Variants in PHACTR2 observed in about 807,000 individuals in gnomAD.
The protein encoded by PHACTR2 is chromosome 6 open reading frame 56.
Under a neutral mutation model 76.0 loss-of-function variants are expected in PHACTR2, and 30 were observed. The observed-to-expected ratio is 0.39, with a 90% CI of 0.30 to 0.54. The LOEUF (loss-of-function observed/expected upper bound fraction) is 0.54. PHACTR2 is among the 20% of genes least tolerant of loss of function. The pLI, the probability that PHACTR2 is intolerant of heterozygous loss-of-function variation, is 0.61. For synonymous variants in PHACTR2, 292 were observed against 292.5 expected (o/e 1.00, Z 0.02); for missense variants, 696 against 781.1 (o/e 0.89, Z 1.30).
At chr6:143,790,230 T>TAAGGTTAATAAGGTTAATAAGC (rs1363602527) in intron 11 of PHACTR2, among the ~76,000 whole-genome samples, 1 of 152,116 alleles carries the variant, frequency 6.6e-6, no homozygotes, top group Non-Finnish European at 1.5e-5. Flanking sequence ...GGTGCGTAAA[T>TAAGGTTAATAAGGTTAATAAGC]TTGGAAAATG....
In PHACTR2 at chr6:143,623,190, A is replaced by C. The variant is rs1776191695; in HGVS notation, c.13+14868A>C. Among the ~76,000 whole-genome samples the C allele has an allele frequency of 6.7e-6, 1 of 150,194 alleles. No individual in the cohort carries two copies. Among genetic ancestry groups the C allele is most frequent in the Non-Finnish European group, 1.5e-5 (1 of 67,382 alleles). Reference sequence around the variant, plus strand: ...GTATTTTAAACTAAATTAATAAATTAAATATTGTTATAAGAAAAAAGCCAA... The same window carrying C: ...GTATTTTAAACTAAATTAATAAATTCAATATTGTTATAAGAAAAAAGCCAA... On this transcript the variant is annotated intron_variant, in intron 1 of 11. Transcript: ENST00000305766. The surrounding 1 kb of genome is among the most constrained non-coding windows in gnomAD (Gnocchi z 5.9).
chr6:143,559,690 CTTTTTTTTTTTTTTTTTTT>C (rs5880566), intron 1 of PHACTR2, among the ~76,000 whole-genome samples: 543 of 31,924 alleles, frequency 0.017, 6 homozygotes, highest in Non-Finnish European at 0.023. Flanking sequence ...TTTTTCTTTT[CTTTTTTTTTTTTTTTTTTT>C]TTTTTTTTTT....
rs1775982849 is a variant in PHACTR2, at chr6:143,611,903, G to T, written c.13+3581G>T. On this transcript the variant is annotated intron_variant, in intron 1 of 11. Coordinates refer to the PHACTR2 transcript ENST00000305766. The surrounding 1 kb of genome is among the most constrained non-coding windows in gnomAD (Gnocchi z 4.4). ...ATGCATCAGCAGAGCACGACGAGTG[G>T]ATATGGAGGCAGGGAGAACTGCAGC... Among the ~76,000 whole-genome samples, 1 of 152,190 alleles carries T rather than the reference G, an allele frequency of 6.6e-6. No homozygotes were observed. Among genetic ancestry groups the T allele is most frequent in the Non-Finnish European group, 1.5e-5 (1 of 68,030 alleles).
At chr6:143,669,574 T>C (rs2128450390) in intron 1 of PHACTR2, among the ~76,000 whole-genome samples, 1 of 152,346 alleles carries the variant, frequency 6.6e-6, no homozygotes, top group Non-Finnish European at 1.5e-5. Flanking sequence ...TGTGCATATA[T>C]ATTTAGGATA....
chr6:143,760,749 A>G lies in PHACTR2; in HGVS notation c.694+109A>G. 1 of 1,265,448 alleles carries G rather than the reference A, an allele frequency of 7.9e-7. No homozygotes were observed. The highest frequency in any genetic ancestry group is 1.5e-5 in the African/African-American group (1 of 66,722). 78.4% of individuals were successfully genotyped at this position (1,265,448 alleles called of 1,614,324 possible). A position where few individuals can be genotyped will look rare whatever the true frequency, so the allele number is the denominator to read the frequency against. On this transcript the variant is annotated intron_variant, in intron 5 of 12. Coordinates refer to ENST00000440869, the MANE Select transcript of PHACTR2 (RefSeq NM_001100164.2). The surrounding 1 kb of genome is among the most constrained non-coding windows in gnomAD (Gnocchi z 6.4). The stretch of plus-strand genomic sequence containing the variant: ...TGGGCTTTTGGTGTCTTAGGACATT[A>G]CACCAGCAGGTTCAGCTTTGACACA...
rs1194172410 is a variant in PHACTR2 at position 143,549,389 on chromosome 6, A to G, written c.217+12182A>G. Among the ~76,000 whole-genome samples, 2 of 152,016 alleles carry G rather than the reference A, an allele frequency of 1.3e-5. No individual in the cohort carries two copies. Among genetic ancestry groups the G allele is most frequent in the Non-Finnish European group, 2.9e-5 (2 of 67,964 alleles). ...TTCCTTTGGCTTAATCTGATGAAAC[A>G]TTTCTCAGCAAGGGTTTAGAGTTTG... On this transcript the variant is annotated intron_variant, in intron 1 of 11. Transcript: ENST00000367584. This position sits in a 1 kb window ranked among gnomAD's most constrained non-coding sequence, Gnocchi z 4.2.
chr6:143,584,358 A>G (rs895771818), intron 1 of PHACTR2, among the ~76,000 whole-genome samples: 5 of 152,208 alleles, frequency 3.3e-5, no homozygotes, highest in African/African-American at 9.7e-5. Flanking sequence ...CACTGTACAG[A>G]CAGGATTGGG....
chr6:143,747,350 A>G (rs1235411511), intron 2 of PHACTR2, among the ~76,000 whole-genome samples: 3 of 152,246 alleles, frequency 2.0e-5, no homozygotes, highest in Non-Finnish European at 4.4e-5. Context: ...ATTAGCAAAC[A>G]CTTAAGGAAG....
upstream of PHACTR2, chr6:143,608,116 A>G: frequency 1.6e-6 from 1 of 632,714 alleles, no homozygotes; most frequent in Non-Finnish European, 2.9e-6. This position sits in a 1 kb window ranked among gnomAD's most constrained non-coding sequence, Gnocchi z 4.6. Flanking sequence ...TCAGCCTGTA[A>G]TGGAGCTAAT....
At chr6:143,735,713 A>G (rs1207148537) in intron 2 of PHACTR2, among the ~76,000 whole-genome samples, 1 of 152,082 alleles carries the variant, frequency 6.6e-6, no homozygotes, top group Non-Finnish European at 1.5e-5. Context: ...ACAGTGACAT[A>G]TTGCTGGCAT....
chr6:143,597,343 A>G lies in PHACTR2; in HGVS notation c.217+60136A>G, dbSNP rs774360730. Among the ~76,000 whole-genome samples the G allele has an allele frequency of 2.0e-5, 3 of 152,310 alleles. No individual in the cohort carries two copies. Among genetic ancestry groups the G allele is most frequent in the South Asian group, 2.1e-4 (1 of 4,828 alleles). On this transcript the variant is annotated intron_variant, in intron 1 of 11. Coordinates refer to the PHACTR2 transcript ENST00000367584. The surrounding 1 kb of genome is among the most constrained non-coding windows in gnomAD (Gnocchi z 5.7). ...TTGAGCAGTTGTACGGAAACATAAT[A>G]CTGGCTTCCAGGTGAGTAGTAAAGA...
At chr6:143,790,475 T>A (rs1681064581) in intron 11 of PHACTR2, among the ~76,000 whole-genome samples, 1 of 152,162 alleles carries the variant, frequency 6.6e-6, no homozygotes, top group South Asian at 2.1e-4. Flanking sequence ...TAGGAAGTCG[T>A]ATCTCATTGT....
At position 143,611,956 on chromosome 6, in the gene PHACTR2, G is replaced by A. The variant is rs910228320; in HGVS notation, c.13+3634G>A. Among the ~76,000 whole-genome samples the A allele has an allele frequency of 5.3e-5, 8 of 152,178 alleles. No individual in the cohort carries two copies. The highest frequency in any genetic ancestry group is 1.9e-4 in the African/African-American group (8 of 41,438). On this transcript the variant is annotated intron_variant, in intron 1 of 11. Transcript: ENST00000305766. This position sits in a 1 kb window ranked among gnomAD's most constrained non-coding sequence, Gnocchi z 4.4. Reference sequence around the variant, plus strand: ...TCAAAGGAGACCCTGGAGGTTTCCCGTTAGAGAATTTAAGACAGTAGTCCT... The same window carrying A: ...TCAAAGGAGACCCTGGAGGTTTCCCATTAGAGAATTTAAGACAGTAGTCCT...
In PHACTR2 at chr6:143,803,605, A is replaced by G. The variant is rs538249881; in HGVS notation, c.1846-3452A>G. Among the ~76,000 whole-genome samples, 1 of 152,362 alleles carries G rather than the reference A, an allele frequency of 6.6e-6. No homozygotes were observed. Among genetic ancestry groups the G allele is most frequent in the African/African-American group, 2.4e-5 (1 of 41,586 alleles). ...ACTGTTCTTGGAGTTGTTTCTAAAT[A>G]GAACATCAAAATCATCTATTTTGGA... is the stretch of plus-strand genomic sequence containing the variant. On this transcript the variant is annotated intron_variant, in intron 11 of 12. Coordinates refer to ENST00000440869, the MANE Select transcript of PHACTR2 (RefSeq NM_001100164.2). The surrounding 1 kb of genome is among the most constrained non-coding windows in gnomAD (Gnocchi z 4.7).
At chr6:143,573,312 G>A (rs999587860) in intron 1 of PHACTR2, among the ~76,000 whole-genome samples, 1 of 152,212 alleles carries the variant, frequency 6.6e-6, no homozygotes, top group Non-Finnish European at 1.5e-5. Context: ...TGCGTGCTTG[G>A]TTTAAGGGTG....
chr6:143,739,847 C>T lies in PHACTR2; in HGVS notation c.215-9138C>T, dbSNP rs1297131350. On this transcript the variant is annotated intron_variant, in intron 2 of 12. Coordinates refer to ENST00000440869, the MANE Select transcript of PHACTR2 (RefSeq NM_001100164.2). The surrounding 1 kb of genome is among the most constrained non-coding windows in gnomAD (Gnocchi z 4.3). ...CAGGTCTAAGACAATCACCTCTTCCCTCCTCCCACCTCGGTCTTATCTGTG... is the reference window on the plus strand; with the variant it reads ...CAGGTCTAAGACAATCACCTCTTCCTTCCTCCCACCTCGGTCTTATCTGTG... 6.6e-6 allele frequency among the ~76,000 whole-genome samples: 1 copy of T among 152,156 alleles called. No homozygotes were observed. Among genetic ancestry groups the T allele is most frequent in the Non-Finnish European group, 1.5e-5 (1 of 68,038 alleles).
At position 143,595,961 on chromosome 6, in the gene PHACTR2, T is replaced by C. The variant is rs2128435105; in HGVS notation, c.217+58754T>C. Among the ~76,000 whole-genome samples, 1 of 152,340 alleles carries C rather than the reference T, an allele frequency of 6.6e-6. No homozygotes were observed. The highest frequency in any genetic ancestry group is 1.9e-4 in the East Asian group (1 of 5,186). On this transcript the variant is annotated intron_variant, in intron 1 of 11. Transcript: ENST00000367584. The surrounding 1 kb of genome is among the most constrained non-coding windows in gnomAD (Gnocchi z 4.2). Reference sequence around the variant, plus strand: ...AGTTTGTTCCTTTTTAGTTTTTCTATGGTTCAAACTATTTCTCGTATAAGC... The same window carrying C: ...AGTTTGTTCCTTTTTAGTTTTTCTACGGTTCAAACTATTTCTCGTATAAGC...
Position 143,648,210 on chromosome 6 carries a change from C to T in PHACTR2, c.13+39888C>T, listed in dbSNP as rs1243529452. Among the ~76,000 whole-genome samples the T allele has an allele frequency of 1.3e-5, 2 of 152,138 alleles. No individual in the cohort carries two copies. Among genetic ancestry groups the T allele is most frequent in the Non-Finnish European group, 2.9e-5 (2 of 68,030 alleles). The stretch of plus-strand genomic sequence containing the variant: ...TTAAGGACCGCAGTGTTTTCTGCAA[C>T]TTCTTCCATGTGTCTACTGCAAATT... On this transcript the variant is annotated intron_variant, in intron 1 of 11. Transcript: ENST00000305766. The surrounding 1 kb of genome is among the most constrained non-coding windows in gnomAD (Gnocchi z 6.7).
At chr6:143,631,394 G>T (rs554022250) in intron 1 of PHACTR2, among the ~76,000 whole-genome samples, 3 of 152,010 alleles carry the variant, frequency 2.0e-5, no homozygotes, top group Non-Finnish European at 4.4e-5. Context: ...GGGTCTCACT[G>T]TGCTGCCCAG....
Sources: allele counts gnomAD v4.1 joint callset (sites outside exome capture counted in the v4.1 genomes callset), GRCh38; gene constraint gnomAD v4.1.1; non-coding constraint Gnocchi (gnomAD v3.1); transcripts MANE v1.5; gene names NCBI Gene and HGNC (gene_info 2026-07-23, HGNC 2026-07-21).